Variants in SGCD observed in about 807,000 individuals in gnomAD.
SGCD encodes sarcoglycan delta.
SGCD carries 18 observed loss-of-function variants against 36.6 expected under a neutral mutation model. The ratio of observed to expected loss-of-function variants is 0.49; its 90% CI spans 0.34 to 0.73. The LOEUF (loss-of-function observed/expected upper bound fraction) is 0.73. Ranked by LOEUF, SGCD falls within the 30% of genes least tolerant of loss-of-function variation. SGCD has a pLI of 0.01. For missense variants in SGCD, 387 were observed against 346.7 expected (o/e 1.12, Z -0.92); for synonymous variants, 133 against 130.6 (o/e 1.02, Z -0.12).
In SGCD at chr5:156,048,450, G is replaced by C. The variant is rs943084870; in HGVS notation, c.-281-69428G>C. On this transcript the variant is annotated intron_variant, in intron 1 of 9. Transcript: ENST00000517913. ...TTACAGTCCCACCAACAGTGTCAAA[G>C]TGTTCCTATTTCTCCACATCCTCTC... Among the ~76,000 whole-genome samples, 3 of 152,296 alleles carry C rather than the reference G, an allele frequency of 2.0e-5. No individual in the cohort carries two copies. The East Asian group carries it at 5.8e-4, about 29-fold the overall frequency.
intron 6 of SGCD, among the ~76,000 whole-genome samples, chr5:156,596,443 T>C (rs1480825722): frequency 6.6e-6 from 1 of 152,188 alleles, no homozygotes; most frequent in Non-Finnish European, 1.5e-5. Context: ...TTGAATGAAA[T>C]CATCTATGTA....
intron 1 of SGCD, among the ~76,000 whole-genome samples, chr5:156,016,471 A>G (rs1758981435): frequency 6.6e-6 from 1 of 152,176 alleles, no homozygotes; most frequent in African/African-American, 2.4e-5. Flanking sequence ...CCAAAAAAGT[A>G]TTGAAAGGTT....
chr5:156,493,033 C>T (rs754510225), intron 3 of SGCD, among the ~76,000 whole-genome samples: 14 of 152,000 alleles, frequency 9.2e-5, no homozygotes, highest in Non-Finnish European at 1.6e-4. Context: ...TACATGTGCA[C>T]GTGTCTTTAT....
Position 156,668,883 on chromosome 5 carries a change from G to T in SGCD, c.575+21347G>T, listed in dbSNP as rs73812575. 4.0e-3 allele frequency among the ~76,000 whole-genome samples: 615 copies of T among 152,238 alleles called. 2 individuals are homozygous for T. The highest frequency in any genetic ancestry group is 0.014 in the African/African-American group (569 of 41,542). On this transcript the variant is annotated intron_variant, in intron 7 of 8. Coordinates refer to ENST00000337851, the MANE Select transcript of SGCD (RefSeq NM_000337.6). The stretch of plus-strand genomic sequence containing the variant: ...GCTTAAGGAAAGTCGAAAGCAAAGG[G>T]TCATTGCATATTTTCAATTGAGACT...
chr5:155,874,238 G>A (rs1580964116), intron 1 of SGCD, among the ~76,000 whole-genome samples: 1 of 152,052 alleles, frequency 6.6e-6, no homozygotes. Flanking sequence ...ATGAAAGAAA[G>A]GAAAGAGCTT....
At chr5:156,502,603 G>C (rs1363429790) in intron 3 of SGCD, among the ~76,000 whole-genome samples, 2 of 152,162 alleles carry the variant, frequency 1.3e-5, no homozygotes, top group Non-Finnish European at 2.9e-5. Context: ...TCAAAGTGCT[G>C]TAATTACAAG....
At chr5:156,122,237 T>C (rs76876188) in intron 2 of SGCD, among the ~76,000 whole-genome samples, 2,158 of 152,238 alleles carry the variant, frequency 0.014, 25 homozygotes, top group South Asian at 0.03. Flanking sequence ...CGAGCTCCAC[T>C]TCTGTGCAAG....
chr5:155,804,758 T>C, the SGCD span, among the ~76,000 whole-genome samples: 3 of 152,378 alleles, frequency 2.0e-5, no homozygotes, highest in South Asian at 6.2e-4. Flanking sequence ...GTATCTATCT[T>C]GGTTGTGCTT....
intron 3 of SGCD, among the ~76,000 whole-genome samples, chr5:156,297,189 A>G (rs1403635745): frequency 1.3e-5 from 2 of 152,146 alleles, no homozygotes; most frequent in East Asian, 1.9e-4. Context: ...TTTTAAATAT[A>G]CAATAAATTG....
At chr5:155,735,747 G>A in the SGCD span, among the ~76,000 whole-genome samples, 7 of 152,138 alleles carry the variant, frequency 4.6e-5, no homozygotes, top group East Asian at 1.9e-4. Context: ...TTTACTGATC[G>A]GGCAAACTCC....
At chr5:156,752,327 C>T (rs1337949337) in intron 7 of SGCD, among the ~76,000 whole-genome samples, 1 of 152,094 alleles carries the variant, frequency 6.6e-6, no homozygotes, top group Admixed American at 6.5e-5. Flanking sequence ...GGAAGAGGAG[C>T]TCAGGTTGCT....
the SGCD span, among the ~76,000 whole-genome samples, chr5:155,837,719 C>T: frequency 6.6e-6 from 1 of 152,208 alleles, no homozygotes; most frequent in Non-Finnish European, 1.5e-5. Context: ...AATCAGAACA[C>T]AAGCTGTAAC....
At chr5:155,853,912 G>A in the SGCD span, among the ~76,000 whole-genome samples, 2 of 152,150 alleles carry the variant, frequency 1.3e-5, no homozygotes, top group Non-Finnish European at 2.9e-5. Context: ...TTGATGGCTT[G>A]TTGAAATTGC....
the SGCD span, among the ~76,000 whole-genome samples, chr5:155,819,318 A>ATCTT: frequency 6.6e-6 from 1 of 152,126 alleles, no homozygotes; most frequent in Non-Finnish European, 1.5e-5. Flanking sequence ...CTCTTTCCAA[A>ATCTT]TGAGAATAAC....
intron 3 of SGCD, among the ~76,000 whole-genome samples, chr5:156,126,166 C>T (rs980868502): frequency 1.3e-5 from 2 of 152,104 alleles, no homozygotes; most frequent in African/African-American, 4.8e-5. Flanking sequence ...CAGGCATGAG[C>T]CACCATGCCC....
chr5:156,203,857 G>A (rs1581166445), intron 3 of SGCD, among the ~76,000 whole-genome samples: 2 of 152,186 alleles, frequency 1.3e-5, no homozygotes, highest in South Asian at 4.2e-4. Context: ...ACATGAGGAG[G>A]TAATTTTTTA....
chr5:155,918,499 T>A (rs1326041001), intron 1 of SGCD, among the ~76,000 whole-genome samples: 1 of 151,916 alleles, frequency 6.6e-6, no homozygotes, highest in Non-Finnish European at 1.5e-5. Flanking sequence ...GGAGGCGGAG[T>A]TTGCAGTGAG....
chr5:156,693,948 C>CAAGA (rs1754210003), intron 7 of SGCD, among the ~76,000 whole-genome samples: 1 of 152,114 alleles, frequency 6.6e-6, no homozygotes, highest in Non-Finnish European at 1.5e-5. Flanking sequence ...CCCCATTCTT[C>CAAGA]ATTACTTCTT....
chr5:156,347,865 C>A (rs562282441), intron 3 of SGCD, among the ~76,000 whole-genome samples: 1 of 152,062 alleles, frequency 6.6e-6, no homozygotes, highest in East Asian at 1.9e-4. Flanking sequence ...TATATGAAAT[C>A]GGCTCTTTCC....
Sources: allele counts gnomAD v4.1 joint callset (sites outside exome capture counted in the v4.1 genomes callset), GRCh38; gene constraint gnomAD v4.1.1; transcripts MANE v1.5; gene names NCBI Gene and HGNC (gene_info 2026-07-23, HGNC 2026-07-21).